The following TTC3 variants were observed in gnomAD, a reference collection of about 807,000 sequenced individuals.
TTC3 encodes the protein E3 ubiquitin-protein ligase TTC3.
In TTC3, 180 loss-of-function variants were observed where a neutral mutation model predicts 249.6. The ratio of observed to expected loss-of-function variants is 0.72; its 90% CI spans 0.64 to 0.82. The LOEUF (loss-of-function observed/expected upper bound fraction) is 0.82, where lower values mean the gene tolerates loss of function less well. TTC3 is among the 40% of genes least tolerant of loss of function. The probability of loss-of-function intolerance (pLI) is 0.00; values close to 1 mark genes in which losing one functional copy is unlikely to be tolerated. For missense variants in TTC3, 2,061 were observed against 2,398.4 expected (o/e 0.86, Z 2.94); for synonymous variants, 717 against 805.0 (o/e 0.89, Z 1.85).
intron 45 of TTC3, among the ~76,000 whole-genome samples, chr21:37,200,537 G>T (rs78449080): frequency 1.4e-4 from 21 of 152,164 alleles, no homozygotes; most frequent in Non-Finnish European, 1.9e-4. Context: ...CATCCCTTGT[G>T]GGGAGAGGGG....
chr21:37,184,629 A>ATTTTTTTTTTTT (rs765134090), intron 36 of TTC3, among the ~76,000 whole-genome samples: 13 of 121,538 alleles, frequency 1.1e-4, no homozygotes, highest in Non-Finnish European at 1.5e-4. Flanking sequence ...TAATTTTTCT[A>ATTTTTTTTTTTT]TTTTTTTTTT....
At chr21:37,186,532 C>T (rs1970917374) in intron 37 of TTC3, among the ~76,000 whole-genome samples, 1 of 152,166 alleles carries the variant, frequency 6.6e-6, no homozygotes, top group African/African-American at 2.4e-5. Flanking sequence ...GACACCATCT[C>T]CCAGCTCAAG....
intron 35 of TTC3, among the ~76,000 whole-genome samples, chr21:37,176,576 G>A (rs181520589): frequency 6.6e-6 from 1 of 152,302 alleles, no homozygotes; most frequent in East Asian, 1.9e-4. Context: ...GCAGAGGTGG[G>A]ATTCTCCTCT....
At chr21:37,130,825 C>T (rs999946611) in intron 16 of TTC3, among the ~76,000 whole-genome samples, 23 of 151,630 alleles carry the variant, frequency 1.5e-4, no homozygotes, top group Non-Finnish European at 2.5e-4. Flanking sequence ...ATAGATCAGA[C>T]AGTACTTCAA....
At chr21:37,125,948 T>C (rs111614774) in intron 14 of TTC3, 132 bp from the exon 15 acceptor site, 8,565 of 711,944 alleles carry the variant, frequency 0.012, 83 homozygotes, top group East Asian at 0.022. Context: ...TTAGGCTTAA[T>C]AACCAGCTGC....
At chr21:37,093,478 C>G (rs1364015435) in intron 7 of TTC3, 1 of 151,210 alleles carries the variant, frequency 6.6e-6, no homozygotes, top group Non-Finnish European at 1.5e-5. Context: ...TTCCAAAATC[C>G]AAAATTATCC....
intron 1 of TTC3, chr21:37,085,977 C>T (rs965445386): frequency 7.9e-5 from 12 of 152,138 alleles, no homozygotes; most frequent in Admixed American, 7.9e-4. Context: ...GAGCATTTTC[C>T]CATCTGTACA....
intron 11 of TTC3, among the ~76,000 whole-genome samples, chr21:37,118,712 C>G (rs1601571220): frequency 6.6e-6 from 1 of 152,104 alleles, no homozygotes; most frequent in African/African-American, 2.4e-5. Flanking sequence ...TCAACTTTGC[C>G]TCCCTGTTTG....
intron 38 of TTC3, chr21:37,188,249 A>G: frequency 2.6e-6 from 1 of 378,252 alleles, no homozygotes; most frequent in South Asian, 2.8e-5. Context: ...GCAGAAAGCC[A>G]TGTACAGTTA....
At chr21:37,087,836 G>A (rs890876801) in exon 3 of TTC3, 1 of 1,591,382 alleles carries the variant, frequency 6.3e-7, no homozygotes, top group African/African-American at 1.4e-5. Flanking sequence ...TTTTTAGGGT[G>A]TGCAATATAA....
intron 30 of TTC3, 82 bp downstream of exon 30, chr21:37,160,940 C>T: frequency 2.2e-6 from 3 of 1,358,030 alleles, no homozygotes; most frequent in East Asian, 2.5e-5. Flanking sequence ...TTGAGCAATT[C>T]TTGGGATATT....
rs1256395231 is a variant in TTC3, at chr21:37,175,213, G to A, written c.4617+2469G>A. The stretch of plus-strand genomic sequence containing the variant: ...CGGGAGGCGGAGCTTGCACCGAGCC[G>A]AGATCACGCCACTGCACTCCCGCCT... On this transcript the variant is annotated intron_variant, in intron 35 of 45. Coordinates refer to ENST00000355666, the Ensembl canonical transcript of TTC3. 1.6e-4 allele frequency among the ~76,000 whole-genome samples: 22 copies of A among 136,848 alleles called. No homozygotes were observed. In the East Asian group the frequency reaches 4.4e-3, roughly 27 times the overall value. The allele number at this position is 136,848 out of a possible 152,430, so 89.8% of individuals were successfully genotyped here.
intron 45 of TTC3, 83 bp downstream of exon 45, chr21:37,200,407 T>C (rs2085374367): frequency 7.0e-7 from 1 of 1,418,936 alleles, no homozygotes; most frequent in Non-Finnish European, 9.8e-7. Flanking sequence ...TGTTTTCTAG[T>C]CATCAGTATT....
chr21:37,196,974 T>TAAGA (rs1033789504), intron 42 of TTC3, among the ~76,000 whole-genome samples: 4 of 152,226 alleles, frequency 2.6e-5, no homozygotes, highest in Non-Finnish European at 5.9e-5. Context: ...TTCAGGTTGT[T>TAAGA]ACGAGGGGGA....
At chr21:37,083,737 G>C (rs2147637200) in intron 1 of TTC3, 1 of 152,348 alleles carries the variant, frequency 6.6e-6, no homozygotes, top group East Asian at 1.9e-4. Context: ...TGAACTTCCT[G>C]ATTCAGAGGG....
chr21:37,104,588 C>CACAAAA (rs2074875196), intron 10 of TTC3, among the ~76,000 whole-genome samples: 1 of 104,334 alleles, frequency 9.6e-6, no homozygotes, highest in African/African-American at 3.7e-5. Context: ...AACTCCGTCT[C>CACAAAA]AAAAAAAAAA....
At chr21:37,141,977 A>G (rs1194943607) in intron 20 of TTC3, among the ~76,000 whole-genome samples, 3 of 152,236 alleles carry the variant, frequency 2.0e-5, no homozygotes, top group African/African-American at 7.2e-5. Context: ...AATCCAGCAT[A>G]TAAACAGAAC....
Position 37,090,290 on chromosome 21 carries a change from A to G in TTC3, c.480+4A>G. 1.2e-6 allele frequency: 2 copies of G among 1,603,682 alleles called. No homozygotes were observed. Among genetic ancestry groups the G allele is most frequent in the Non-Finnish European group, 1.7e-6 (2 of 1,174,008 alleles). On this transcript the variant is annotated splice_donor_region_variant and intron_variant, in intron 6 of 45. Coordinates refer to ENST00000355666, the Ensembl canonical transcript of TTC3. ...AATTGGTTGTAAAATAGAAAATGTA[A>G]GTGTTAAACACTGAAACTGGCACAG...
intron 15 of TTC3, among the ~76,000 whole-genome samples, chr21:37,126,496 T>A (rs919004402): frequency 6.6e-6 from 1 of 152,180 alleles, no homozygotes; most frequent in African/African-American, 2.4e-5. Flanking sequence ...CCTTTTTAAA[T>A]CTAATTGTTC....
Sources: gnomAD v4.1 joint callset for allele counts (sites outside exome capture counted in the v4.1 genomes callset) on GRCh38, gnomAD v4.1.1 for gene constraint, MANE v1.5 for transcripts, NCBI Gene and HGNC (gene_info 2026-07-23, HGNC 2026-07-21) for gene names.